PDE11A: variants seen among roughly 807,000 people sequenced by gnomAD.
PDE11A encodes the protein phosphodiesterase 11A.
A neutral mutation model predicts 100.5 loss-of-function variants in PDE11A; 100 were observed. The observed-to-expected ratio is 1.00, with a 90% CI of 0.85 to 1.18. PDE11A has a LOEUF of 1.18. Among genes scored for constraint, PDE11A ranks in the 50% most tolerant of loss-of-function variants. PDE11A has a pLI of 0.00. For missense variants in PDE11A, 1,141 were observed against 1,152.6 expected (o/e 0.99, Z 0.15); for synonymous variants, 381 against 420.8 (o/e 0.91, Z 1.16).
At chr2:177,648,799 A>T (rs1187853614) in intron 19 of PDE11A, among the ~76,000 whole-genome samples, 1 of 152,144 alleles carries the variant, frequency 6.6e-6, no homozygotes, top group Non-Finnish European at 1.5e-5. Flanking sequence ...GAAAGAGTTC[A>T]GTCAAAAACT....
intron 2 of PDE11A, chr2:177,997,984 C>T (rs1363151587): frequency 3.3e-6 from 4 of 1,205,178 alleles, no homozygotes; most frequent in Admixed American, 1.7e-5. Context: ...AACCTGCTCA[C>T]AGAAATATGT....
At chr2:177,724,771 G>C (rs770428604) in intron 12 of PDE11A, among the ~76,000 whole-genome samples, 11 of 151,974 alleles carry the variant, frequency 7.2e-5, no homozygotes, top group Middle Eastern at 3.4e-3. Flanking sequence ...CCCTGTGCTA[G>C]AAGAAAAGAA....
intron 1 of PDE11A, among the ~76,000 whole-genome samples, chr2:178,053,613 C>G (rs1332996469): frequency 6.6e-6 from 1 of 152,132 alleles, no homozygotes; most frequent in Admixed American, 6.5e-5. Context: ...ATTTAGAAAA[C>G]CCCATCATCT....
At chr2:177,743,848 G>C (rs1574099138) in intron 10 of PDE11A, among the ~76,000 whole-genome samples, 2 of 152,196 alleles carry the variant, frequency 1.3e-5, no homozygotes, top group East Asian at 3.8e-4. Flanking sequence ...ATGGGGCTAT[G>C]GATGAAATTC....
At chr2:178,034,252 C>G (rs963243275) in intron 1 of PDE11A, among the ~76,000 whole-genome samples, 1 of 152,242 alleles carries the variant, frequency 6.6e-6, no homozygotes, top group East Asian at 1.9e-4. Context: ...CAATCCTAGT[C>G]TCTGATAAAA....
intron 1 of PDE11A, among the ~76,000 whole-genome samples, chr2:178,060,000 G>A (rs1377477622): frequency 6.6e-6 from 1 of 152,234 alleles, no homozygotes; most frequent in Non-Finnish European, 1.5e-5. Context: ...GAAAGACATT[G>A]AAATATGAGC....
At position 177,707,658 on chromosome 2, in the gene PDE11A, G is replaced by T. The variant is rs1165680410; in HGVS notation, c.2153+4111C>A. Among the ~76,000 whole-genome samples the T allele has an allele frequency of 2.6e-5, 4 of 152,190 alleles. No homozygotes were observed. In the East Asian group the frequency reaches 7.7e-4, roughly 29 times the overall value. ...GCTCCCAAATCTGCATGAGCCTGCA[G>T]CTTGGATCCCTGCAGCTAACTGTCT... On this transcript the variant is annotated intron_variant, in intron 13 of 19. Coordinates refer to ENST00000286063, the MANE Select transcript of PDE11A (RefSeq NM_016953.4).
chr2:177,671,052 A>C (rs2080672036), intron 17 of PDE11A, among the ~76,000 whole-genome samples: 2 of 152,114 alleles, frequency 1.3e-5, no homozygotes, highest in Non-Finnish European at 2.9e-5. Context: ...TTGAAGAGGA[A>C]ATGGTCCCCT....
At chr2:177,852,452 G>C (rs1244527550) in intron 5 of PDE11A, among the ~76,000 whole-genome samples, 2 of 152,102 alleles carry the variant, frequency 1.3e-5, no homozygotes, top group African/African-American at 4.8e-5. Context: ...TCAATCTGAG[G>C]TTGGGTTCAC....
chr2:178,035,888 C>T (rs116129187), intron 1 of PDE11A, among the ~76,000 whole-genome samples: 1,541 of 152,276 alleles, frequency 0.01, 14 homozygotes, highest in Non-Finnish European at 0.016. Flanking sequence ...AAAATAATAG[C>T]TGTTTATGAC....
At chr2:177,783,360 T>C (rs1200974467) in intron 9 of PDE11A, among the ~76,000 whole-genome samples, 3 of 152,234 alleles carry the variant, frequency 2.0e-5, no homozygotes, top group Non-Finnish European at 4.4e-5. Context: ...TGTCTTAAGT[T>C]ATTTATTAGC....
At chr2:177,777,474 A>G (rs541673383) in intron 9 of PDE11A, among the ~76,000 whole-genome samples, 41 of 152,326 alleles carry the variant, frequency 2.7e-4, no homozygotes, top group Non-Finnish European at 5.0e-4. Flanking sequence ...GCAAATTTCT[A>G]TAGTTGAGAA....
intron 9 of PDE11A, among the ~76,000 whole-genome samples, chr2:177,787,627 C>A (rs1327461420): frequency 6.6e-6 from 1 of 150,422 alleles, no homozygotes; most frequent in African/African-American, 2.4e-5. Context: ...CATCAGTGTG[C>A]TGTATTCAGG....
intron 10 of PDE11A, among the ~76,000 whole-genome samples, chr2:177,747,934 G>A (rs1023832722): frequency 1.3e-5 from 2 of 152,056 alleles, no homozygotes; most frequent in African/African-American, 4.8e-5. Context: ...GTTGGTGGCA[G>A]AGCCAGGATT....
At chr2:177,814,205 C>T (rs140244780) in intron 9 of PDE11A, among the ~76,000 whole-genome samples, 1 of 152,010 alleles carries the variant, frequency 6.6e-6, no homozygotes, top group Admixed American at 6.6e-5. Context: ...TAAATACATA[C>T]TTTCCATAGA....
chr2:177,937,069 C>A (rs573735657), intron 2 of PDE11A, among the ~76,000 whole-genome samples: 6 of 152,036 alleles, frequency 3.9e-5, no homozygotes, highest in Non-Finnish European at 8.8e-5. Flanking sequence ...ATTTGTGAGG[C>A]ATCTCTTTAC....
At chr2:177,758,814 T>G (rs1245244594) in intron 10 of PDE11A, among the ~76,000 whole-genome samples, 1 of 152,180 alleles carries the variant, frequency 6.6e-6, no homozygotes, top group Non-Finnish European at 1.5e-5. Context: ...TTCTTAAGGC[T>G]AAACCAAAGG....
chr2:177,844,993 C>T (rs60205395), intron 5 of PDE11A, among the ~76,000 whole-genome samples: 73,115 of 142,654 alleles, frequency 0.51, 19,557 homozygotes, highest in East Asian at 0.69. Context: ...CCACCTTTCC[C>T]GCCTTTCTAT....
chr2:178,066,654 T>G (rs2087048615), intron 1 of PDE11A, among the ~76,000 whole-genome samples: 3 of 152,034 alleles, frequency 2.0e-5, no homozygotes, highest in African/African-American at 7.2e-5. Flanking sequence ...TGCTCTTAGA[T>G]GGGGTCTAGG....
Sources: gnomAD v4.1 joint callset for allele counts (sites outside exome capture counted in the v4.1 genomes callset) on GRCh38, gnomAD v4.1.1 for gene constraint, MANE v1.5 for transcripts, NCBI Gene and HGNC (gene_info 2026-07-23, HGNC 2026-07-21) for gene names.